COL5A3: variants seen among roughly 807,000 people sequenced by gnomAD.
COL5A3 encodes the protein collagen alpha-3(V) chain.
A neutral mutation model predicts 250.0 loss-of-function variants in COL5A3; 172 were observed. The ratio of observed to expected loss-of-function variants is 0.69; its 90% CI spans 0.61 to 0.78. The LOEUF (loss-of-function observed/expected upper bound fraction) is 0.78, where lower values mean the gene tolerates loss of function less well. Among genes scored for constraint, COL5A3 ranks in the 30% least tolerant of loss-of-function variants. The pLI is 0.00. For synonymous variants in COL5A3, 937 were observed against 900.4 expected (o/e 1.04, Z -0.73); for missense variants, 2,340 against 2,334.4 (o/e 1.00, Z -0.05).
intron 31 of COL5A3, among the ~76,000 whole-genome samples, chr19:9,983,529 G>GA (rs71188871): frequency 1.4e-3 from 135 of 95,204 alleles, no homozygotes; most frequent in South Asian, 8.0e-3. Flanking sequence ...CAAAAAGAAA[G>GA]AAGAAAGAAA....
rs551509358 is a variant in COL5A3, at chr19:9,997,395, T to C, written c.1239A>G (p.Gly413=). The change falls in exon 11 of 67, where the codon GGA becomes GGG. Residue 413 remains glycine, a synonymous_variant. Coordinates refer to ENST00000264828, the MANE Select transcript of COL5A3 (RefSeq NM_015719.4). ...CCGGTGGACCAGGGTCGCCAGGGAA[T>C]CCTGGGGGGCCGGGAGGGCCTGAGG... ...VGPSGPPGPP[G]FPGDPGPPGP... is the part of the protein sequence containing the mutation. 2.5e-6 allele frequency: 4 copies of C among 1,610,242 alleles called. No homozygotes were observed. In the Admixed American group the frequency reaches 6.7e-5, roughly 27 times the overall value.
chr19:9,966,804 GAGAA>G (rs1478193791), intron 62 of COL5A3, 58 bp from the exon 63 acceptor site: 2 of 1,338,640 alleles, frequency 1.5e-6, no homozygotes, highest in African/African-American at 1.4e-5. Context: ...GAGAGAGAGG[GAGAA>G]AGAGAGACAG....
In COL5A3 at chr19:9,979,120, A is replaced by G. The variant is rs1392596456; in HGVS notation, c.2874+12T>C. 1.3e-6 allele frequency: 2 copies of G among 1,528,934 alleles called. No homozygotes were observed. The highest frequency in any genetic ancestry group is 1.8e-6 in the Non-Finnish European group (2 of 1,130,506). 94.7% of individuals were successfully genotyped at this position (1,528,934 alleles called of 1,614,324 possible). The stretch of plus-strand genomic sequence containing the variant: ...GATGTTCAACCAAGATCTCCAGTGG[A>G]CAGTGTCTCACCTTGGCCCCCTCTC... On this transcript the variant is annotated intron_variant, in intron 39 of 66. Transcript: ENST00000264828.
At chr19:9,974,046 C>T (rs1391839129) in intron 47 of COL5A3, 74 bp from the exon 48 acceptor site, 2 of 1,509,522 alleles carry the variant, frequency 1.3e-6, no homozygotes, top group Non-Finnish European at 1.8e-6. Flanking sequence ...CCACAGATAC[C>T]ACTGTCAATG....
At chr19:10,003,751 A>C in intron 5 of COL5A3, 37 bp from the exon 6 acceptor site, 1 of 1,609,610 alleles carries the variant, frequency 6.2e-7, no homozygotes, top group South Asian at 1.1e-5. Flanking sequence ...AGAGCATCCC[A>C]CCAGCAGAGA....
At position 9,982,257 on chromosome 19, in the gene COL5A3, T is replaced by C. The variant is rs1331333341; in HGVS notation, c.2407-139A>G. On this transcript the variant is annotated intron_variant, in intron 31 of 66. Coordinates refer to ENST00000264828, the MANE Select transcript of COL5A3 (RefSeq NM_015719.4). ...CTTGGTCTCTACAGCCCCAGCCTCCTACAAGGCAGCCCTCTTCTCTCCTCT... is the reference window on the plus strand; with the variant it reads ...CTTGGTCTCTACAGCCCCAGCCTCCCACAAGGCAGCCCTCTTCTCTCCTCT... The C allele has an allele frequency of 8.2e-5, 49 of 595,882 alleles. No homozygotes were observed. The East Asian group carries it at 1.4e-3, about 17-fold the overall frequency. The allele number at this position is 595,882 out of a possible 1,614,324, so 36.9% of individuals were successfully genotyped here.
Position 10,005,663 on chromosome 19 carries a change from A to T in COL5A3, c.489T>A (p.Ala163=). 3 of 1,613,924 alleles carry T rather than the reference A, an allele frequency of 1.9e-6. No homozygotes were observed. The highest frequency in any genetic ancestry group is 2.5e-6 in the Non-Finnish European group (3 of 1,179,872). The change falls in exon 4 of 67, where the codon GCT becomes GCA. Residue 163 remains alanine (A), a synonymous_variant. Transcript: ENST00000264828. ...SIDGEMVTLV[A]DCEAQPPVLG... Reference sequence around the variant, plus strand: ...AAACAGGGGGCTGAGCTTCACAGTCAGCTACCAGGGTCACCATCTCACCAT... The same window carrying T: ...AAACAGGGGGCTGAGCTTCACAGTCTGCTACCAGGGTCACCATCTCACCAT...
chr19:9,971,072 G>C (rs1464533462), intron 52 of COL5A3, 44 bp from the exon 53 acceptor site: 55 of 1,480,532 alleles, frequency 3.7e-5, no homozygotes, highest in Non-Finnish European at 4.5e-5. Flanking sequence ...ATGAGGGTAC[G>C]TGAGAATTTG....
At chr19:9,986,909 C>T (rs1439815035) in intron 27 of COL5A3, 151 bp from the exon 28 acceptor site, 1 of 851,072 alleles carries the variant, frequency 1.2e-6, no homozygotes, top group Non-Finnish European at 1.8e-6. Context: ...GATCTTTCCC[C>T]AGAGGCCCCT....
At chr19:9,993,272 C>T in intron 19 of COL5A3, 108 bp downstream of exon 19, 2 of 1,310,174 alleles carry the variant, frequency 1.5e-6, no homozygotes, top group Non-Finnish European at 2.2e-6. Flanking sequence ...ACAATTTGTC[C>T]CTAGCTCTCA....
intron 31 of COL5A3, among the ~76,000 whole-genome samples, chr19:9,984,445 A>G (rs1319999120): frequency 6.6e-6 from 1 of 152,202 alleles, no homozygotes; most frequent in Non-Finnish European, 1.5e-5. Context: ...AACATTGGCA[A>G]ACAAATGTTA....
At chr19:9,988,787 T>C (rs1033980563) in intron 27 of COL5A3, among the ~76,000 whole-genome samples, 18 of 128,580 alleles carry the variant, frequency 1.4e-4, no homozygotes, top group African/African-American at 5.5e-4. Flanking sequence ...TGAGTGGAGA[T>C]CGCTCCACTG....
chr19:9,966,748 T>C lies in COL5A3; in HGVS notation c.4459-2A>G. ...CCCATGCAGCTCGGCAGGGGCACCC[T>C]GGGCGTAGGGGATGGGGACGGAGAA... On this transcript the variant is annotated splice_acceptor_variant, in intron 62 of 66. Coordinates refer to ENST00000264828, the MANE Select transcript of COL5A3 (RefSeq NM_015719.4). LOFTEE classifies it high-confidence loss of function. 1.3e-6 allele frequency: 2 copies of C among 1,526,126 alleles called. No homozygotes were observed. The highest frequency in any genetic ancestry group is 1.8e-6 in the Non-Finnish European group (2 of 1,142,284). 94.5% of individuals were successfully genotyped at this position (1,526,126 alleles called of 1,614,324 possible).
chr19:9,961,876 A>G (rs1261411016), intron 65 of COL5A3, among the ~76,000 whole-genome samples: 1 of 151,904 alleles, frequency 6.6e-6, no homozygotes, highest in Non-Finnish European at 1.5e-5. Flanking sequence ...TTTTACTTAA[A>G]AAAATTCACA....
At position 9,969,658 on chromosome 19, in the gene COL5A3, G is replaced by A; in HGVS notation, c.4015C>T (p.Pro1339Ser). Reference sequence around the variant, plus strand: ...GCCCCCATTGGACCCGTCCTCCCTGGGGGCCCATCAGGACCTGGCTCCCCC... The same window carrying A: ...GCCCCCATTGGACCCGTCCTCCCTGAGGGCCCATCAGGACCTGGCTCCCCC... Reference protein sequence around the residue: ...AKGEPGPDGPPGRTGPMGARG... With the variant: ...AKGEPGPDGPSGRTGPMGARG... Residue 1339 changes from proline (P) to serine (S), a missense_variant, in exon 56 of 67, where the codon CCA (proline) becomes TCA (serine). Pro to Ser is a moderately conservative substitution (Grantham distance 74). Coordinates refer to ENST00000264828, the MANE Select transcript of COL5A3 (RefSeq NM_015719.4). 1 of 1,588,186 alleles carries A rather than the reference G, an allele frequency of 6.3e-7. No homozygotes were observed. The highest frequency in any genetic ancestry group is 1.2e-5 in the South Asian group (1 of 86,844).
At chr19:9,977,555 C>T in intron 42 of COL5A3, 39 bp downstream of exon 42, 1 of 1,533,528 alleles carries the variant, frequency 6.5e-7, no homozygotes. Flanking sequence ...GGGCCAGACC[C>T]TGAGGAGGCC....
Position 9,979,999 on chromosome 19 carries a change from G to A in COL5A3, c.2653C>T (p.Pro885Ser), listed in dbSNP as rs142449519. Reference protein sequence around the residue: ...GPPGFPGPKGPPGHQGKDGRP... With the variant: ...GPPGFPGPKGSPGHQGKDGRP... Reference sequence around the variant, plus strand: ...ATGAGGGTGACCTCACTCACAGGGGGGCCCTTTGGCCCAGGGAATCCTGGA... The same window carrying A: ...ATGAGGGTGACCTCACTCACAGGGGAGCCCTTTGGCCCAGGGAATCCTGGA... Residue 885 changes from proline (P) to serine (S), a missense_variant, in exon 36 of 67, where the codon CCC (proline) becomes TCC (serine). Pro to Ser is a moderately conservative substitution (Grantham distance 74, BLOSUM62 -1). Transcript: ENST00000264828. 16 of 1,586,430 alleles carry A rather than the reference G, an allele frequency of 1.0e-5. No homozygotes were observed. Among genetic ancestry groups the A allele is most frequent in the Non-Finnish European group, 1.2e-5 (14 of 1,172,726 alleles).
rs576119335 is a variant in COL5A3 at position 10,000,452 on chromosome 19, C to CTT, written c.1110+1070_1110+1071dup. On this transcript the variant is annotated intron_variant, in intron 8 of 66. Coordinates refer to ENST00000264828, the MANE Select transcript of COL5A3 (RefSeq NM_015719.4). ...TGTGCCATTCAGCAGCCAGAGAGCT[C>CTT]TTTTTTTTTTTTTTTTTTTTTTTTT... Among the ~76,000 whole-genome samples the CTT allele has an allele frequency of 4.6e-3, 288 of 62,784 alleles. 20 individuals are homozygous for CTT. The highest frequency in any genetic ancestry group is 0.014 in the African/African-American group (199 of 14,040). 41.2% of individuals were successfully genotyped at this position (62,784 alleles called of 152,430 possible).
rs3745583 is a variant in COL5A3, at chr19:9,966,523, G to T, written c.4669+13C>A. On this transcript the variant is annotated intron_variant, in intron 63 of 66. Coordinates refer to ENST00000264828, the MANE Select transcript of COL5A3 (RefSeq NM_015719.4). ...ACTCCGCCCATCCAAGTGGCGGGGG[G>T]ACCGGACCTCACCATCAGGCAGGTG... 6 of 1,541,070 alleles carry T rather than the reference G, an allele frequency of 3.9e-6. No individual in the cohort carries two copies. Among genetic ancestry groups the T allele is most frequent in the Non-Finnish European group, 5.2e-6 (6 of 1,143,170 alleles).
Sources: gnomAD v4.1 joint callset for allele counts (sites outside exome capture counted in the v4.1 genomes callset) on GRCh38, gnomAD v4.1.1 for gene constraint, MANE v1.5 for transcripts, NCBI Gene and HGNC (gene_info 2026-07-23, HGNC 2026-07-21) for gene names.